The following KIF7 variants were observed in gnomAD, a reference collection of about 807,000 sequenced individuals.
KIF7 encodes the protein kinesin-like protein KIF7.
In KIF7, 104 loss-of-function variants were observed where a neutral mutation model predicts 135.7. That is an observed-to-expected ratio of 0.77 (90% CI 0.65 to 0.90). KIF7 has a LOEUF of 0.90. Ranked by LOEUF, KIF7 falls within the 40% of genes least tolerant of loss-of-function variation. KIF7 has a pLI of 0.00. For synonymous variants in KIF7, 883 were observed against 809.4 expected (o/e 1.09, Z -1.54); for missense variants, 2,005 against 1,839.1 (o/e 1.09, Z -1.65).
intron 1 of KIF7, chr15:89,621,366 A>C: frequency 3.8e-6 from 6 of 1,585,784 alleles, no homozygotes; most frequent in Non-Finnish European, 5.1e-6. Flanking sequence ...GAAAGAATTA[A>C]ATATTGTTGC....
downstream of KIF7, chr15:89,626,924 C>T: frequency 6.2e-7 from 1 of 1,607,586 alleles, no homozygotes; most frequent in South Asian, 1.1e-5. Flanking sequence ...CTCTGTGACT[C>T]CTGCATGCTA....
intron 15 of KIF7, 104 bp from the exon 16 acceptor site, chr15:89,630,597 G>A (rs1358534624): frequency 2.0e-6 from 2 of 986,020 alleles, no homozygotes; most frequent in Non-Finnish European, 1.5e-6. Context: ...GGGCCTTAAG[G>A]GTCCCCTCGT....
In KIF7 at chr15:89,631,782, A is replaced by G. The variant is rs1963684680; in HGVS notation, c.2896-72T>C. ...TCACAGGGGGGACAGAAAGGGCCGGATGTTAAGGAGGACTTGCGTCCTTCC... is the reference window on the plus strand; with the variant it reads ...TCACAGGGGGGACAGAAAGGGCCGGGTGTTAAGGAGGACTTGCGTCCTTCC... On this transcript the variant is annotated intron_variant, in intron 14 of 18. Transcript: ENST00000394412. 3.0e-6 allele frequency: 4 copies of G among 1,337,828 alleles called. No homozygotes were observed. The South Asian group carries it at 5.7e-5, about 19-fold the overall frequency. The allele number at this position is 1,337,828 out of a possible 1,614,324, so 82.9% of individuals were successfully genotyped here. A position where few individuals can be genotyped will look rare whatever the true frequency, so the allele number is the denominator to read the frequency against.
At chr15:89,636,780 A>G (rs1485766539) in intron 11 of KIF7, among the ~76,000 whole-genome samples, 1 of 128,760 alleles carries the variant, frequency 7.8e-6, no homozygotes, top group African/African-American at 3.0e-5. Context: ...CAAGACAGAA[A>G]GTCAACAAGG....
chr15:89,653,573 G>A (rs1019989288), intron 1 of KIF7, among the ~76,000 whole-genome samples: 3 of 152,070 alleles, frequency 2.0e-5, no homozygotes, highest in Non-Finnish European at 2.9e-5. Flanking sequence ...AGGGCAACCA[G>A]GGACATCTTT....
At chr15:89,652,466 C>T in intron 2 of KIF7, 137 bp downstream of exon 2, 1 of 723,666 alleles carries the variant, frequency 1.4e-6, no homozygotes, top group Admixed American at 2.9e-5. Flanking sequence ...GCCACAGATC[C>T]CTGTCTAGGA....
intron 1 of KIF7, among the ~76,000 whole-genome samples, chr15:89,620,003 A>G (rs1249669815): frequency 2.6e-5 from 4 of 152,232 alleles, no homozygotes; most frequent in Non-Finnish European, 5.9e-5. Context: ...TGGACAGTCC[A>G]TGACTTTGTA....
At position 89,650,081 on chromosome 15, in the gene KIF7, G is replaced by C. The variant is rs1228744392; in HGVS notation, c.329-140C>G. On this transcript the variant is annotated intron_variant, in intron 2 of 18. Coordinates refer to ENST00000394412, the MANE Select transcript of KIF7 (RefSeq NM_198525.3). ...AAGGCAGTGGCCGAGGCCAGGATGG[G>C]ACAGGTGGCCTGAGCTTGGCCATGC... The C allele has an allele frequency of 2.1e-5, 18 of 857,490 alleles. No individual in the cohort carries two copies. The African/African-American group carries it at 3.0e-4, about 14-fold the overall frequency. The allele number at this position is 857,490 out of a possible 1,614,324, so 53.1% of individuals were successfully genotyped here.
At chr15:89,627,152 G>C, downstream of KIF7, 1 of 1,594,002 alleles carries the variant, frequency 6.3e-7, no homozygotes, top group African/African-American at 1.3e-5. Context: ...TAAAGAAGTT[G>C]GATGCCTGGT....
At chr15:89,634,619 T>C (rs974301309) in intron 11 of KIF7, among the ~76,000 whole-genome samples, 1 of 152,208 alleles carries the variant, frequency 6.6e-6, no homozygotes, top group Non-Finnish European at 1.5e-5. Context: ...GCTTTTCCGA[T>C]GGGCTTAAAA....
rs749654275 is a variant in KIF7 at position 89,642,221 on chromosome 15, C to T, written c.2376G>A (p.Ala792=). 3.6e-5 allele frequency: 58 copies of T among 1,610,224 alleles called. No homozygotes were observed. Among genetic ancestry groups the T allele is most frequent in the South Asian group, 3.1e-4 (28 of 91,010 alleles). Residue 792 remains alanine (A), a synonymous_variant, in exon 11 of 19, where the codon GCG becomes GCA. Coordinates refer to ENST00000394412, the MANE Select transcript of KIF7 (RefSeq NM_198525.3). The part of the protein sequence containing the change: ...RLQEFRRRVA[A]AQSQVQVLKE... ...GACTAACCTGCACCTGGCTCTGGGCCGCAGCGACCCTCCTGCGGAACTCCT... is the reference window on the plus strand; with the variant it reads ...GACTAACCTGCACCTGGCTCTGGGCTGCAGCGACCCTCCTGCGGAACTCCT...
At chr15:89,626,916 CTG>C (rs1963538558), downstream of KIF7, 12 of 1,604,106 alleles carry the variant, frequency 7.5e-6, no homozygotes, top group Non-Finnish European at 9.4e-6. Context: ...GTTCGGTCCT[CTG>C]TGACTCCTGC....
chr15:89,629,729 C>A, intron 16 of KIF7, 156 bp from the exon 17 acceptor site: 1 of 880,950 alleles, frequency 1.1e-6, no homozygotes, highest in Non-Finnish European at 1.7e-6. Context: ...TCAGACACCT[C>A]AGCAGTGCTC....
chr15:89,631,513 C>G lies in KIF7; in HGVS notation c.3093G>C (p.Gly1031=), dbSNP rs776814066. 6.3e-7 allele frequency: 1 copy of G among 1,579,574 alleles called. No individual in the cohort carries two copies. Among genetic ancestry groups the G allele is most frequent in the East Asian group, 2.3e-5 (1 of 43,256 alleles). ...RLEIDGKLRQ[G]SLLSPEEERT... ...AGGGTACCTCGGGGGACAGCAGACTCCCCTGCCTCAGCTTGCCGTCGATCT... is the reference window on the plus strand; with the variant it reads ...AGGGTACCTCGGGGGACAGCAGACTGCCCTGCCTCAGCTTGCCGTCGATCT... Residue 1031 remains glycine, a synonymous_variant, in exon 15 of 19, where the codon GGG becomes GGC. Transcript: ENST00000394412.
chr15:89,634,659 A>G (rs935780438), intron 11 of KIF7, among the ~76,000 whole-genome samples: 18 of 152,344 alleles, frequency 1.2e-4, no homozygotes, highest in Non-Finnish European at 2.4e-4. Flanking sequence ...TATCCCGCAC[A>G]TGGCTCAGAG....
downstream of KIF7, chr15:89,627,973 T>G: frequency 6.4e-6 from 1 of 155,986 alleles, no homozygotes; most frequent in Non-Finnish European, 1.4e-5. Flanking sequence ...AAACTTCCCA[T>G]TTGTCCCTTC....
At chr15:89,654,192 A>AG (rs1964170707) in intron 1 of KIF7, among the ~76,000 whole-genome samples, 1 of 151,782 alleles carries the variant, frequency 6.6e-6, no homozygotes, top group African/African-American at 2.4e-5. Flanking sequence ...TGTATTTTTC[A>AG]TAGAGACAGG....
At chr15:89,658,271 C>T (rs1254347096), upstream of KIF7, among the ~76,000 whole-genome samples, 2 of 151,762 alleles carry the variant, frequency 1.3e-5, no homozygotes, top group African/African-American at 4.8e-5. Flanking sequence ...GGCAACATAG[C>T]GAGACCTCAT....
upstream of KIF7, among the ~76,000 whole-genome samples, chr15:89,659,451 G>GAAAGAAAGAAAGAA: frequency 6.8e-6 from 1 of 146,260 alleles, no homozygotes; most frequent in African/African-American, 2.6e-5. Context: ...AAGAAAGAGA[G>GAAAGAAAGAAAGAA]AGAGAAAGAA....
Sources: gnomAD v4.1 joint callset for allele counts (sites outside exome capture counted in the v4.1 genomes callset) on GRCh38, gnomAD v4.1.1 for gene constraint, MANE v1.5 for transcripts, NCBI Gene and HGNC (gene_info 2026-07-23, HGNC 2026-07-21) for gene names.